Variants in MYT1L observed in about 807,000 individuals in gnomAD.
MYT1L encodes myelin transcription factor 1 like, also known as myelin transcription factor 1-like protein.
A neutral mutation model predicts 126.7 loss-of-function variants in MYT1L; 12 were observed. The ratio of observed to expected loss-of-function variants is 0.09; its 90% CI spans 0.06 to 0.15. The LOEUF is 0.15. Ranked by LOEUF, MYT1L falls within the 10% of genes least tolerant of loss-of-function variation. The pLI is 1.00. For missense variants in MYT1L, 979 were observed against 1,585.2 expected (o/e 0.62, Z 6.49); for synonymous variants, 541 against 604.2 (o/e 0.90, Z 1.53).
intron 1 of MYT1L, among the ~76,000 whole-genome samples, chr2:2,304,447 T>A (rs1412639843): frequency 6.6e-6 from 1 of 152,164 alleles, no homozygotes; most frequent in East Asian, 1.9e-4. Context: ...GACTTAAACC[T>A]CTCTCTATAG....
chr2:1,901,291 A>G (rs1422912774), intron 14 of MYT1L, among the ~76,000 whole-genome samples: 2 of 152,248 alleles, frequency 1.3e-5, no homozygotes, highest in Non-Finnish European at 2.9e-5. Flanking sequence ...GTGCGTAAAC[A>G]TGAACATCTA....
intron 18 of MYT1L, among the ~76,000 whole-genome samples, chr2:1,878,446 T>C (rs36085476): frequency 0.016 from 2,446 of 152,332 alleles, 39 homozygotes; most frequent in Non-Finnish European, 0.027. Flanking sequence ...TAGAATGTAA[T>C]TCTAATTAGA....
At chr2:2,157,120 T>C (rs2086859688) in intron 3 of MYT1L, among the ~76,000 whole-genome samples, 1 of 152,132 alleles carries the variant, frequency 6.6e-6, no homozygotes, top group African/African-American at 2.4e-5. Context: ...AAGCACAGAG[T>C]ACATTTTTAT....
intron 22 of MYT1L, among the ~76,000 whole-genome samples, chr2:1,807,630 G>T (rs2035921346): frequency 6.6e-6 from 1 of 152,124 alleles, no homozygotes; most frequent in African/African-American, 2.4e-5. Flanking sequence ...AGAAGGGGAG[G>T]CTGGGCTTCT....
In MYT1L at chr2:2,088,243, G is replaced by A. The variant is rs73173903; in HGVS notation, c.-303-34120C>T. 9.6e-3 allele frequency among the ~76,000 whole-genome samples: 1,457 copies of A among 152,268 alleles called. 23 individuals carry two copies. The highest frequency in any genetic ancestry group is 0.033 in the African/African-American group (1,356 of 41,548). Reference sequence around the variant, plus strand: ...CCGAAGAGAAGGTGATGACTGACTCGCTTTCTCTAGAAGACGGAAAATAAA... The same window carrying A: ...CCGAAGAGAAGGTGATGACTGACTCACTTTCTCTAGAAGACGGAAAATAAA... On this transcript the variant is annotated intron_variant, in intron 3 of 24. Coordinates refer to ENST00000647738, the MANE Select transcript of MYT1L (RefSeq NM_001303052.2).
intron 4 of MYT1L, among the ~76,000 whole-genome samples, chr2:2,042,313 G>C (rs1170375940): frequency 1.3e-5 from 2 of 152,260 alleles, no homozygotes; most frequent in East Asian, 1.9e-4. Flanking sequence ...ACTTCTGCTG[G>C]GTTTGTTAGG....
intron 9 of MYT1L, among the ~76,000 whole-genome samples, chr2:1,928,403 G>T (rs2054508892): frequency 6.6e-6 from 1 of 152,178 alleles, no homozygotes; most frequent in South Asian, 2.1e-4. Flanking sequence ...CACAGAGGCT[G>T]ACAGTTTACC....
intron 3 of MYT1L, among the ~76,000 whole-genome samples, chr2:2,055,302 T>C (rs1260031957): frequency 6.6e-6 from 1 of 152,208 alleles, no homozygotes; most frequent in Non-Finnish European, 1.5e-5. Flanking sequence ...TCCTTCTCAG[T>C]TCAAAGGATA....
chr2:2,058,362 C>A (rs952308569), intron 3 of MYT1L, among the ~76,000 whole-genome samples: 2 of 152,036 alleles, frequency 1.3e-5, no homozygotes, highest in African/African-American at 4.8e-5. Flanking sequence ...TTTTTGCTAC[C>A]TTGTTGCTTG....
At chr2:2,286,401 C>T (rs779470030) in intron 1 of MYT1L, among the ~76,000 whole-genome samples, 9 of 152,092 alleles carry the variant, frequency 5.9e-5, no homozygotes, top group Non-Finnish European at 1.3e-4. Flanking sequence ...TCATTCATTA[C>T]TAAAATGTGG....
chr2:1,802,597 C>A (rs59604847), intron 22 of MYT1L, among the ~76,000 whole-genome samples: 1 of 152,196 alleles, frequency 6.6e-6, no homozygotes, highest in African/African-American at 2.4e-5. Context: ...GCTGCCCTGC[C>A]GAGGTCCCTG....
intron 2 of MYT1L, among the ~76,000 whole-genome samples, chr2:2,211,162 T>G (rs1278875386): frequency 6.6e-6 from 1 of 152,222 alleles, no homozygotes; most frequent in Non-Finnish European, 1.5e-5. Context: ...TCATATCATC[T>G]GCAAATAGGT....
At chr2:2,049,608 C>A (rs147571843) in intron 4 of MYT1L, among the ~76,000 whole-genome samples, 1 of 152,164 alleles carries the variant, frequency 6.6e-6, no homozygotes, top group Non-Finnish European at 1.5e-5. Context: ...TGTGTCCTCA[C>A]CCAAATCTCA....
intron 4 of MYT1L, among the ~76,000 whole-genome samples, chr2:2,009,608 T>G (rs557841468): frequency 6.6e-6 from 1 of 152,354 alleles, no homozygotes; most frequent in East Asian, 1.9e-4. Context: ...GTGTGTAATC[T>G]TTGGGGTTTT....
At position 2,231,699 on chromosome 2, in the gene MYT1L, C is replaced by T. The variant is rs150359929; in HGVS notation, c.-421+52705G>A. ...CTGAGCTCGAGCAATCCACCCGCCTCAGCCTCCCAAAGTATAGGCATTTAC... is the reference window on the plus strand; with the variant it reads ...CTGAGCTCGAGCAATCCACCCGCCTTAGCCTCCCAAAGTATAGGCATTTAC... On this transcript the variant is annotated intron_variant, in intron 2 of 24. Transcript: ENST00000647738. Among the ~76,000 whole-genome samples the T allele has an allele frequency of 2.6e-3, 399 of 152,274 alleles. 5 individuals are homozygous for T. Among genetic ancestry groups the T allele is most frequent in the African/African-American group, 9.2e-3 (384 of 41,546 alleles).
chr2:2,138,836 A>G (rs1296965271), intron 3 of MYT1L, among the ~76,000 whole-genome samples: 2 of 150,526 alleles, frequency 1.3e-5, no homozygotes, highest in Non-Finnish European at 3.0e-5. Context: ...CTAAAACTTA[A>G]AGTATAATTA....
intron 1 of MYT1L, chr2:2,305,869 C>G (rs953718945): frequency 1.3e-5 from 2 of 152,192 alleles, no homozygotes; most frequent in African/African-American, 4.8e-5. Flanking sequence ...TCACCTCCCT[C>G]TCCAACACTG....
chr2:2,006,266 A>G (rs1186598693), intron 4 of MYT1L, among the ~76,000 whole-genome samples: 1 of 152,200 alleles, frequency 6.6e-6, no homozygotes, highest in Non-Finnish European at 1.5e-5. Flanking sequence ...GTTATCATGT[A>G]TGTTTGATGT....
At chr2:1,952,767 C>T (rs1276733115) in intron 8 of MYT1L, among the ~76,000 whole-genome samples, 8 of 790 alleles carry the variant, frequency 0.01, no homozygotes, top group South Asian at 0.029. Context: ...CCCTCCTTCC[C>T]TCCCTTCCCT....
Sources: allele counts gnomAD v4.1 joint callset (sites outside exome capture counted in the v4.1 genomes callset), GRCh38; gene constraint gnomAD v4.1.1; transcripts MANE v1.5; gene names NCBI Gene and HGNC (gene_info 2026-07-23, HGNC 2026-07-21).